Variants in DSP observed in about 807,000 individuals in gnomAD.
DSP encodes the protein 250/210 kDa paraneoplastic pemphigus antigen.
A neutral mutation model predicts 290.6 loss-of-function variants in DSP; 114 were observed. That is an observed-to-expected ratio of 0.39 (90% CI 0.34 to 0.46). The LOEUF is 0.46. DSP is among the 20% of genes least tolerant of loss of function. DSP has a pLI of 0.99. For synonymous variants in DSP, 1,311 were observed against 1,316.4 expected (o/e 1.00, Z 0.09); for missense variants, 3,230 against 3,495.8 (o/e 0.92, Z 1.92).
At position 7,584,755 on chromosome 6, in the gene DSP, A is replaced by C; in HGVS notation, c.7493A>C (p.Glu2498Ala). The change falls in exon 24 of 24, where the codon GAG becomes GCG. Residue 2498 changes from glutamate to alanine, a missense_variant. Coordinates refer to ENST00000379802, the MANE Select transcript of DSP (RefSeq NM_004415.4). This position sits in a 1 kb window ranked among gnomAD's most constrained non-coding sequence, Gnocchi z 6.4. ...IDYETFKELC[E>A]QECEWEEITI... ...TATGAAACCTTCAAAGAACTGTGTG[A>C]GCAGGAATGTGAATGGGAAGAAATA... 1 of 1,614,262 alleles carries C rather than the reference A, an allele frequency of 6.2e-7. No individual in the cohort carries two copies. The highest frequency in any genetic ancestry group is 1.3e-5 in the African/African-American group (1 of 75,064).
At position 7,541,673 on chromosome 6, in the gene DSP, T is replaced by C; in HGVS notation, c.-243T>C. On this transcript the variant is annotated 5_prime_UTR_variant, in exon 1 of 24. Transcript: ENST00000379802. ...CAACACCCAGCTCCGACGCAGCTCCTCTGCGCCCTTGCCGCCCTCCGAGCC... is the reference window on the plus strand; with the variant it reads ...CAACACCCAGCTCCGACGCAGCTCCCCTGCGCCCTTGCCGCCCTCCGAGCC... 1 of 557,414 alleles carries C rather than the reference T, an allele frequency of 1.8e-6. No homozygotes were observed. Among genetic ancestry groups the C allele is most frequent in the Non-Finnish European group, 3.1e-6 (1 of 319,700 alleles). The allele number at this position is 557,414 out of a possible 1,614,324, so 34.5% of individuals were successfully genotyped here.
chr6:7,547,729 A>C (rs1758207557), intron 1 of DSP, among the ~76,000 whole-genome samples: 1 of 151,836 alleles, frequency 6.6e-6, no homozygotes, highest in Non-Finnish European at 1.5e-5. Flanking sequence ...GAGCCAGTGC[A>C]CCTGGCCTTT....
In DSP at chr6:7,584,115, C is replaced by A. The variant is rs377085222; in HGVS notation, c.6853C>A (p.Pro2285Thr). ...GGCCATGAAAATTGGCTTAGTCCGA[C>A]CTGGTACTGCTCTGGAGTTGCTGGA... ...YEAMKIGLVR[P>T]GTALELLEAQ... Residue 2285 changes from proline to threonine, a missense_variant, in exon 24 of 24, where the codon CCT (proline) becomes ACT (threonine). Physicochemically the swap from Pro to Thr is conservative, Grantham distance 38. Transcript: ENST00000379802. This position sits in a 1 kb window ranked among gnomAD's most constrained non-coding sequence, Gnocchi z 6.4. 1.2e-6 allele frequency: 2 copies of A among 1,614,106 alleles called. No individual in the cohort carries two copies. The highest frequency in any genetic ancestry group is 1.7e-6 in the Non-Finnish European group (2 of 1,180,032).
Position 7,569,168 on chromosome 6 carries a change from G to T in DSP, c.1420-18G>T. On this transcript the variant is annotated intron_variant, in intron 11 of 23. Transcript: ENST00000379802. ...TACTTATGAATAAAGCCAAACCCTG[G>T]GGTTGCTTGCCTTACAGAAAATCGT... is the stretch of plus-strand genomic sequence containing the variant. 1 of 1,614,116 alleles carries T rather than the reference G, an allele frequency of 6.2e-7. No individual in the cohort carries two copies. Among genetic ancestry groups the T allele is most frequent in the Non-Finnish European group, 8.5e-7 (1 of 1,180,020 alleles).
intron 5 of DSP, among the ~76,000 whole-genome samples, chr6:7,562,986 C>G (rs1366910502): frequency 1.3e-5 from 2 of 152,152 alleles, no homozygotes; most frequent in East Asian, 3.9e-4. Context: ...AGGAGTTAAA[C>G]CAGAGGCTGA....
chr6:7,546,071 C>T (rs766620507), intron 1 of DSP, among the ~76,000 whole-genome samples: 1 of 152,090 alleles, frequency 6.6e-6, no homozygotes, highest in Admixed American at 6.6e-5. Context: ...GGAAGTGAGA[C>T]GATCATAACT....
intron 1 of DSP, among the ~76,000 whole-genome samples, chr6:7,547,612 T>C (rs992280029): frequency 1.3e-5 from 2 of 151,892 alleles, no homozygotes; most frequent in Non-Finnish European, 2.9e-5. Context: ...TTTTTTTTTT[T>C]TTTTTGTAGA....
Position 7,541,868 on chromosome 6 carries a change from C to T in DSP, c.-48C>T. On this transcript the variant is annotated 5_prime_UTR_variant, in exon 1 of 24. Transcript: ENST00000379802. ...CCTCCGCTTTCTCCGCGCCGGCCCGCCTCGCTTATGCCTCGGCGCTGAGCC... is the reference window on the plus strand; with the variant it reads ...CCTCCGCTTTCTCCGCGCCGGCCCGTCTCGCTTATGCCTCGGCGCTGAGCC... 6.4e-7 allele frequency: 1 copy of T among 1,571,040 alleles called. No individual in the cohort carries two copies. The highest frequency in any genetic ancestry group is 8.6e-7 in the Non-Finnish European group (1 of 1,160,456).
In DSP at chr6:7,586,453, A is replaced by T. The variant is rs1252466343; in HGVS notation, c.*575A>T. The stretch of plus-strand genomic sequence containing the variant: ...TGGTTTGGTATTAATTTGACTGTGC[A>T]TGACAGCGGCAATCTTTTCTTTGGT... On this transcript the variant is annotated 3_prime_UTR_variant, in exon 24 of 24. Coordinates refer to ENST00000379802, the MANE Select transcript of DSP (RefSeq NM_004415.4). 2 of 152,346 alleles carry T rather than the reference A, an allele frequency of 1.3e-5. No individual in the cohort carries two copies. The highest frequency in any genetic ancestry group is 4.8e-5 in the African/African-American group (2 of 41,436). 9.4% of individuals were successfully genotyped at this position (152,346 alleles called of 1,614,324 possible).
chr6:7,566,352 G>A (rs763289797), intron 7 of DSP, 25 bp from the exon 8 acceptor site: 2 of 1,588,908 alleles, frequency 1.3e-6, no homozygotes, highest in Non-Finnish European at 1.7e-6. Flanking sequence ...TTGCTGCAAA[G>A]GATTTCTTAT....
At chr6:7,561,557 G>T (rs892539146) in intron 4 of DSP, among the ~76,000 whole-genome samples, 1 of 152,136 alleles carries the variant, frequency 6.6e-6, no homozygotes, top group Non-Finnish European at 1.5e-5. Flanking sequence ...CGATGGACAG[G>T]TCAGATACGA....
intron 3 of DSP, 67 bp downstream of exon 3, chr6:7,558,331 C>T: frequency 6.4e-7 from 1 of 1,565,526 alleles, no homozygotes; most frequent in Non-Finnish European, 8.7e-7. Flanking sequence ...CAGTTACACT[C>T]AATTCCATGA....
chr6:7,584,282 T>G lies in DSP; in HGVS notation c.7020T>G (p.Asn2340Lys), dbSNP rs1471479464. Residue 2340 changes from asparagine to lysine, a missense_variant, in exon 24 of 24, where the codon AAT (asparagine) becomes AAG (lysine). By Grantham distance (94) the Asn-to-Lys change is moderately conservative (BLOSUM62 0). Around this residue, in one of 5 missense-constraint regions of DSP, gnomAD observed 207 missense variants for 281.2 expected, o/e 0.74. Transcript: ENST00000379802. This position sits in a 1 kb window ranked among gnomAD's most constrained non-coding sequence, Gnocchi z 6.4. ...LSAERAVTGY[N>K]DPETGNIISL... ...CAGAACGAGCTGTCACTGGGTATAA[T>G]GATCCTGAAACAGGAAACATCATCT... 6.2e-7 allele frequency: 1 copy of G among 1,614,196 alleles called. No individual in the cohort carries two copies. The highest frequency in any genetic ancestry group is 1.7e-5 in the Admixed American group (1 of 60,024).
chr6:7,557,711 T>G (rs1758541657), intron 2 of DSP, among the ~76,000 whole-genome samples: 1 of 152,008 alleles, frequency 6.6e-6, no homozygotes, highest in Admixed American at 6.6e-5. Flanking sequence ...AAAAAAGAAC[T>G]AAAACATTAT....
At chr6:7,567,236 T>C in intron 8 of DSP, 118 bp from the exon 9 acceptor site, 1 of 830,850 alleles carries the variant, frequency 1.2e-6, no homozygotes, top group East Asian at 2.5e-5. Flanking sequence ...AATATCTGCT[T>C]GACTTAGAAT....
At chr6:7,545,290 C>A (rs1023488840) in intron 1 of DSP, among the ~76,000 whole-genome samples, 1 of 152,150 alleles carries the variant, frequency 6.6e-6, no homozygotes, top group African/African-American at 2.4e-5. Flanking sequence ...ACAAACAGGT[C>A]AATTTGCCTG....
In DSP at chr6:7,575,257, G is replaced by A. The variant is rs192645966; in HGVS notation, c.2437-38G>A. Reference sequence around the variant, plus strand: ...TGTAGTGTAGCATACAATGGGAGAAGGGATTAATTTGCAATCTTTTTTTTT... The same window carrying A: ...TGTAGTGTAGCATACAATGGGAGAAAGGATTAATTTGCAATCTTTTTTTTT... On this transcript the variant is annotated intron_variant, in intron 17 of 23. Coordinates refer to ENST00000379802, the MANE Select transcript of DSP (RefSeq NM_004415.4). 478 of 1,609,768 alleles carry A rather than the reference G, an allele frequency of 3.0e-4. 1 individual carries two copies. The African/African-American group carries it at 5.7e-3, about 19-fold the overall frequency.
rs10545097 is a variant in DSP at position 7,582,139 on chromosome 6, GGTGTGTGTGTGT to G, written c.5380-486_5380-475del. Among the ~76,000 whole-genome samples, 3 of 143,786 alleles carry G rather than the reference GGTGTGTGTGTGT, an allele frequency of 2.1e-5. No homozygotes were observed. In the East Asian group the frequency reaches 6.0e-4, roughly 29 times the overall value. 94.3% of individuals were successfully genotyped at this position (143,786 alleles called of 152,430 possible). On this transcript the variant is annotated intron_variant, in intron 23 of 23. Coordinates refer to ENST00000379802, the MANE Select transcript of DSP (RefSeq NM_004415.4). The surrounding 1 kb of genome is among the most constrained non-coding windows in gnomAD (Gnocchi z 4.2). ...GACAATATTTGTGTGTGGCTGGGTT[GGTGTGTGTGTGT>G]GTGTGTGTGTGTGTGTATATCTATA...
Position 7,558,171 on chromosome 6 carries a change from G to C in DSP, c.329G>C (p.Cys110Ser). ...QLTRSRELDE[C>S]FAQANDQMEI... ...ACTCGGAGTCGAGAATTGGATGAGT[G>C]TTTTGCCCAGGCCAATGACCAAATG... is the stretch of plus-strand genomic sequence containing the variant. Residue 110 changes from cysteine (C) to serine (S), a missense_variant, in exon 3 of 24, where the codon TGT (cysteine) becomes TCT (serine). Cys to Ser is a moderately radical substitution (Grantham distance 112). Around this residue, in one of 5 missense-constraint regions of DSP, gnomAD observed 646 missense variants for 684.3 expected, o/e 0.94. Transcript: ENST00000379802. The C allele has an allele frequency of 6.2e-7, 1 of 1,614,218 alleles. No individual in the cohort carries two copies. The highest frequency in any genetic ancestry group is 8.5e-7 in the Non-Finnish European group (1 of 1,180,030).
Sources: gnomAD v4.1 joint callset for allele counts (sites outside exome capture counted in the v4.1 genomes callset) on GRCh38, gnomAD v4.1.1 for gene constraint, gnomAD v4.1.1 regional missense constraint, Gnocchi (gnomAD v3.1) non-coding constraint, MANE v1.5 for transcripts, NCBI Gene and HGNC (gene_info 2026-07-23, HGNC 2026-07-21) for gene names.